OPCML: variants seen among roughly 807,000 people sequenced by gnomAD.
The protein encoded by OPCML is opioid-binding protein/cell adhesion molecule.
Under a neutral mutation model 37.8 loss-of-function variants are expected in OPCML, and 13 were observed. The ratio of observed to expected loss-of-function variants is 0.34; its 90% CI spans 0.22 to 0.55. The LOEUF (loss-of-function observed/expected upper bound fraction) is 0.55. OPCML is among the 20% of genes least tolerant of loss of function. The pLI is 0.91. For synonymous variants in OPCML, 176 were observed against 168.8 expected (o/e 1.04, Z -0.33); for missense variants, 341 against 435.6 (o/e 0.78, Z 1.93).
chr11:132,891,259 C>T (rs750626081), intron 2 of OPCML, among the ~76,000 whole-genome samples: 9 of 152,182 alleles, frequency 5.9e-5, no homozygotes, highest in Non-Finnish European at 1.3e-4. Flanking sequence ...ACATCTTGGG[C>T]ACACAGCAAT....
chr11:132,767,501 C>T (rs1391721418), intron 2 of OPCML, among the ~76,000 whole-genome samples: 6 of 152,198 alleles, frequency 3.9e-5, no homozygotes, highest in Admixed American at 3.3e-4. Flanking sequence ...CGACATACTG[C>T]ATTACCCAGA....
At chr11:132,974,465 C>A (rs917487220) in intron 1 of OPCML, among the ~76,000 whole-genome samples, 1 of 152,120 alleles carries the variant, frequency 6.6e-6, no homozygotes, top group African/African-American at 2.4e-5. Flanking sequence ...CCATCTCATG[C>A]CAGTTAGAAT....
intron 1 of OPCML, among the ~76,000 whole-genome samples, chr11:132,950,351 C>A (rs1945831796): frequency 6.6e-6 from 1 of 152,084 alleles, no homozygotes; most frequent in Non-Finnish European, 1.5e-5. Flanking sequence ...GTAGTTAGGA[C>A]TTCCTGAGAT....
chr11:133,277,481 A>C (rs1235066906), intron 1 of OPCML, among the ~76,000 whole-genome samples: 1 of 152,134 alleles, frequency 6.6e-6, no homozygotes, highest in Non-Finnish European at 1.5e-5. Flanking sequence ...TTCCAGACGA[A>C]GTTAAAATCT....
chr11:132,882,903 T>C (rs1055424710), intron 2 of OPCML, among the ~76,000 whole-genome samples: 3 of 152,170 alleles, frequency 2.0e-5, no homozygotes, highest in Admixed American at 1.3e-4. Flanking sequence ...GAAAAGACTT[T>C]CTAGGAAGTG....
chr11:132,692,780 A>G (rs887814074), intron 2 of OPCML, among the ~76,000 whole-genome samples: 1 of 152,186 alleles, frequency 6.6e-6, no homozygotes, highest in African/African-American at 2.4e-5. Flanking sequence ...TTTATGTGCA[A>G]AGATGTTCCC....
chr11:132,521,119 C>G (rs1022481976), intron 4 of OPCML, among the ~76,000 whole-genome samples: 1 of 152,114 alleles, frequency 6.6e-6, no homozygotes, highest in Non-Finnish European at 1.5e-5. Context: ...ATTTGCATTT[C>G]TCTAGTGATC....
chr11:132,602,478 TA>T (rs1227172126), intron 3 of OPCML, among the ~76,000 whole-genome samples: 4 of 152,172 alleles, frequency 2.6e-5, no homozygotes, highest in Non-Finnish European at 4.4e-5. Context: ...ATTTTACAGT[TA>T]CAAAAAAATT....
intron 1 of OPCML, among the ~76,000 whole-genome samples, chr11:133,050,597 T>C (rs1948111401): frequency 1.3e-5 from 2 of 152,194 alleles, no homozygotes; most frequent in African/African-American, 2.4e-5. Context: ...CTAATTTCCA[T>C]GTCCTACCAC....
At chr11:132,446,698 T>C (rs759586033) in intron 4 of OPCML, among the ~76,000 whole-genome samples, 4 of 152,168 alleles carry the variant, frequency 2.6e-5, no homozygotes, top group Non-Finnish European at 5.9e-5. Context: ...AGGGTTACTT[T>C]AGTATCAACA....
chr11:133,363,225 T>C (rs890485283), intron 1 of OPCML, among the ~76,000 whole-genome samples: 2 of 152,156 alleles, frequency 1.3e-5, no homozygotes, highest in Non-Finnish European at 2.9e-5. Context: ...GGGCTCCACT[T>C]TGCTACTCAT....
intron 1 of OPCML, among the ~76,000 whole-genome samples, chr11:133,083,383 T>A (rs1031494877): frequency 6.6e-6 from 1 of 152,064 alleles, no homozygotes; most frequent in Non-Finnish European, 1.5e-5. Context: ...TCCCGGATAC[T>A]GGTGCCCCTG....
chr11:132,906,230 G>C (rs372052978), intron 2 of OPCML, among the ~76,000 whole-genome samples: 1 of 152,262 alleles, frequency 6.6e-6, no homozygotes, highest in East Asian at 1.9e-4. Flanking sequence ...CTGTGTAGCA[G>C]GCAAGGACCC....
chr11:132,985,561 A>C (rs1279105067), intron 1 of OPCML, among the ~76,000 whole-genome samples: 1 of 152,242 alleles, frequency 6.6e-6, no homozygotes, highest in Non-Finnish European at 1.5e-5. Context: ...CTTTTAGGTC[A>C]GACTTAACCA....
chr11:132,855,085 G>A (rs1383543678), intron 2 of OPCML, among the ~76,000 whole-genome samples: 1 of 152,194 alleles, frequency 6.6e-6, no homozygotes, highest in Admixed American at 6.5e-5. Context: ...CTGCTAAAAT[G>A]GAGGCATAAT....
chr11:132,789,372 A>T (rs755075734), intron 2 of OPCML, among the ~76,000 whole-genome samples: 2 of 152,370 alleles, frequency 1.3e-5, no homozygotes, highest in African/African-American at 2.4e-5. Context: ...AACAGAAAGC[A>T]GAAAAATAGA....
intron 1 of OPCML, among the ~76,000 whole-genome samples, chr11:133,440,441 A>C (rs1263209480): frequency 1.3e-5 from 2 of 150,608 alleles, no homozygotes; most frequent in Non-Finnish European, 3.0e-5. Flanking sequence ...TATTATCAAC[A>C]TTTGGCTGGG....
At chr11:132,720,987 C>A (rs1025544394) in intron 2 of OPCML, among the ~76,000 whole-genome samples, 2 of 152,072 alleles carry the variant, frequency 1.3e-5, no homozygotes, top group Admixed American at 6.5e-5. Flanking sequence ...ACTTAGCCAG[C>A]AATCATTTAA....
In OPCML at chr11:132,672,113, G is replaced by C. The variant is rs527967009; in HGVS notation, c.147-14794C>G. Among the ~76,000 whole-genome samples the C allele has an allele frequency of 3.5e-3, 532 of 152,206 alleles. 4 individuals carry two copies. The highest frequency in any genetic ancestry group is 0.021 in the South Asian group (101 of 4,828). On this transcript the variant is annotated intron_variant, in intron 2 of 7. Transcript: ENST00000524381. ...TCACATTGCCCTTGCCATCAGTCCA[G>C]CTGGGGTCTCTCATTCTCCTTTTCC... is the stretch of plus-strand genomic sequence containing the variant.
Sources: allele counts gnomAD v4.1 joint callset (sites outside exome capture counted in the v4.1 genomes callset), GRCh38; gene constraint gnomAD v4.1.1; transcripts MANE v1.5; gene names NCBI Gene and HGNC (gene_info 2026-07-23, HGNC 2026-07-21).